Variants in PLCB1 observed in about 807,000 individuals in gnomAD.
The protein encoded by PLCB1 is 1-phosphatidylinositol 4,5-bisphosphate phosphodiesterase beta-1.
A neutral mutation model predicts 161.8 loss-of-function variants in PLCB1; 46 were observed. The ratio of observed to expected loss-of-function variants is 0.28; its 90% CI spans 0.22 to 0.36. The LOEUF (loss-of-function observed/expected upper bound fraction) is 0.36, where lower values mean the gene tolerates loss of function less well. PLCB1 is among the 10% of genes least tolerant of loss of function. PLCB1 has a pLI of 1.00. For missense variants in PLCB1, 1,016 were observed against 1,472.5 expected (o/e 0.69, Z 5.07); for synonymous variants, 517 against 503.7 (o/e 1.03, Z -0.35).
At chr20:8,368,963 G>T (rs746314895) in intron 2 of PLCB1, among the ~76,000 whole-genome samples, 3 of 147,042 alleles carry the variant, frequency 2.0e-5, no homozygotes, top group Non-Finnish European at 4.4e-5. Flanking sequence ...GCCAATGTCT[G>T]TAGGGCACTT....
At chr20:8,412,477 G>T (rs926426482) in intron 3 of PLCB1, among the ~76,000 whole-genome samples, 10 of 152,150 alleles carry the variant, frequency 6.6e-5, no homozygotes, top group Non-Finnish European at 1.3e-4. Flanking sequence ...TCAATAGCAG[G>T]TTCACATTCA....
intron 2 of PLCB1, among the ~76,000 whole-genome samples, chr20:8,251,338 G>A (rs1981132553): frequency 6.6e-6 from 1 of 151,970 alleles, no homozygotes; most frequent in South Asian, 2.1e-4. Flanking sequence ...CAAGAACGGT[G>A]CAGTCCTCAA....
intron 2 of PLCB1, among the ~76,000 whole-genome samples, chr20:8,214,584 A>G (rs1979018441): frequency 6.6e-6 from 1 of 152,172 alleles, no homozygotes; most frequent in South Asian, 2.1e-4. Context: ...TAGCAATGCA[A>G]GAACAGCCCA....
At chr20:8,298,722 T>C (rs187150331) in intron 2 of PLCB1, among the ~76,000 whole-genome samples, 3 of 152,300 alleles carry the variant, frequency 2.0e-5, no homozygotes, top group Admixed American at 6.5e-5. Flanking sequence ...AATAAATAAT[T>C]GCATGTAAAA....
intron 3 of PLCB1, among the ~76,000 whole-genome samples, chr20:8,396,962 A>G (rs186375705): frequency 3.9e-5 from 6 of 152,200 alleles, no homozygotes; most frequent in East Asian, 1.9e-4. Context: ...GTAAATCTGA[A>G]GCAGATATCT....
At chr20:8,331,452 A>G (rs1319912003) in intron 2 of PLCB1, among the ~76,000 whole-genome samples, 2 of 152,128 alleles carry the variant, frequency 1.3e-5, no homozygotes, top group African/African-American at 4.8e-5. Context: ...TGCTGAAGGC[A>G]AAGCCTTTTC....
intron 3 of PLCB1, among the ~76,000 whole-genome samples, chr20:8,398,137 C>T (rs2745758): frequency 0.26 from 38,798 of 151,900 alleles, 6,042 homozygotes; most frequent in African/African-American, 0.42. Flanking sequence ...GAAATGTGAT[C>T]AATACATTTT....
chr20:8,748,595 G>T (rs1981290806), intron 23 of PLCB1, among the ~76,000 whole-genome samples: 1 of 152,104 alleles, frequency 6.6e-6, no homozygotes, highest in Admixed American at 6.6e-5. Flanking sequence ...TAAAATCATG[G>T]CTCCCAATTA....
At chr20:8,250,381 T>C (rs950862859) in intron 2 of PLCB1, among the ~76,000 whole-genome samples, 3 of 151,954 alleles carry the variant, frequency 2.0e-5, no homozygotes, top group Non-Finnish European at 4.4e-5. Flanking sequence ...ATACCTGTAT[T>C]GTCTATGTTA....
At position 8,884,496 on chromosome 20, in the gene PLCB1, A is replaced by G. The variant is rs535009613; in HGVS notation, c.*2647A>G. The G allele has an allele frequency of 1.3e-5, 2 of 152,584 alleles. No individual in the cohort carries two copies. The highest frequency in any genetic ancestry group is 2.4e-5 in the African/African-American group (1 of 41,444). The allele number at this position is 152,584 out of a possible 1,614,324, so 9.5% of individuals were successfully genotyped here. On this transcript the variant is annotated 3_prime_UTR_variant, in exon 32 of 32. Transcript: ENST00000338037. ...TTTTCAAAGTTCTAATGACATAGCC[A>G]TGTGTTTTTGGTTTTTTATATTTCA...
chr20:8,159,395 C>T (rs909037532), intron 2 of PLCB1, among the ~76,000 whole-genome samples: 4 of 152,142 alleles, frequency 2.6e-5, no homozygotes, highest in South Asian at 2.1e-4. Flanking sequence ...CTTGTTCCAA[C>T]CCACAAAACC....
At chr20:8,836,260 T>C (rs1986279773) in intron 31 of PLCB1, among the ~76,000 whole-genome samples, 2 of 152,188 alleles carry the variant, frequency 1.3e-5, no homozygotes, top group Non-Finnish European at 2.9e-5. Flanking sequence ...ACTTTAAGTG[T>C]TAATAGGAGG....
intron 2 of PLCB1, among the ~76,000 whole-genome samples, chr20:8,254,064 A>G (rs916630052): frequency 1.3e-5 from 2 of 151,910 alleles, no homozygotes; most frequent in African/African-American, 4.8e-5. Flanking sequence ...CTATTCACAC[A>G]TATATTGAAA....
At chr20:8,839,860 G>A (rs561628781) in intron 31 of PLCB1, among the ~76,000 whole-genome samples, 1 of 151,894 alleles carries the variant, frequency 6.6e-6, no homozygotes, top group Non-Finnish European at 1.5e-5. Context: ...GCAAAGCCCG[G>A]TCTCTACTAA....
intron 2 of PLCB1, among the ~76,000 whole-genome samples, chr20:8,160,545 A>C (rs1471490714): frequency 6.6e-6 from 1 of 152,214 alleles, no homozygotes; most frequent in Non-Finnish European, 1.5e-5. Flanking sequence ...GTCAGCCAAG[A>C]GAAAAGGGCT....
At chr20:8,629,178 T>C (rs1988452133) in intron 4 of PLCB1, among the ~76,000 whole-genome samples, 1 of 152,102 alleles carries the variant, frequency 6.6e-6, no homozygotes, top group Non-Finnish European at 1.5e-5. Context: ...ATAATCCATG[T>C]AGTAGTTACT....
chr20:8,288,945 G>A (rs577667046), intron 2 of PLCB1, among the ~76,000 whole-genome samples: 2 of 152,160 alleles, frequency 1.3e-5, no homozygotes, highest in South Asian at 4.2e-4. Flanking sequence ...CATCAGTGTT[G>A]TATCATCAGT....
At chr20:8,873,602 A>C (rs924616441) in intron 31 of PLCB1, among the ~76,000 whole-genome samples, 3 of 152,156 alleles carry the variant, frequency 2.0e-5, no homozygotes, top group Non-Finnish European at 4.4e-5. Flanking sequence ...TCATAATTCT[A>C]ACACAGTTTA....
intron 4 of PLCB1, among the ~76,000 whole-genome samples, chr20:8,638,228 C>G (rs536676614): frequency 6.6e-6 from 1 of 152,148 alleles, no homozygotes; most frequent in South Asian, 2.1e-4. Flanking sequence ...TTTAAGCTAA[C>G]GAGAGTTGGA....
Sources: gnomAD v4.1 joint callset for allele counts (sites outside exome capture counted in the v4.1 genomes callset) on GRCh38, gnomAD v4.1.1 for gene constraint, MANE v1.5 for transcripts, NCBI Gene and HGNC (gene_info 2026-07-23, HGNC 2026-07-21) for gene names.